Variants in MYO3B observed in about 807,000 individuals in gnomAD.
MYO3B encodes myosin IIIB.
In MYO3B, 156 loss-of-function variants were observed where a neutral mutation model predicts 174.6. The observed-to-expected ratio is 0.89, with a 90% CI of 0.78 to 1.02. The LOEUF (loss-of-function observed/expected upper bound fraction) is 1.02. Ranked by LOEUF, MYO3B falls within the 50% of genes least tolerant of loss-of-function variation. The pLI, the probability that MYO3B is intolerant of heterozygous loss-of-function variation, is 0.00. For missense variants in MYO3B, 1,632 were observed against 1,639.4 expected (o/e 1.00, Z 0.08); for synonymous variants, 563 against 569.1 (o/e 0.99, Z 0.15).
intron 32 of MYO3B, among the ~76,000 whole-genome samples, chr2:170,574,053 G>T (rs1692631854): frequency 6.6e-6 from 1 of 152,040 alleles, no homozygotes; most frequent in Non-Finnish European, 1.5e-5. Flanking sequence ...GCAGCTCAAA[G>T]GAAACAAAGA....
chr2:170,365,352 A>G (rs2094190716), intron 8 of MYO3B, among the ~76,000 whole-genome samples: 1 of 152,200 alleles, frequency 6.6e-6, no homozygotes, highest in Non-Finnish European at 1.5e-5. Flanking sequence ...AGAAGCAAAC[A>G]TATGGCTTTT....
chr2:170,651,396 T>G (rs1482367414), intron 32 of MYO3B, among the ~76,000 whole-genome samples: 1 of 97,772 alleles, frequency 1.0e-5, no homozygotes, highest in African/African-American at 6.2e-5. Context: ...CCTGGACTGC[T>G]GATTCAGATC....
In MYO3B at chr2:170,614,883, T is replaced by C. The variant is rs1231629409; in HGVS notation, c.3734-36745T>C. The stretch of plus-strand genomic sequence containing the variant: ...CTCTTCTCCACTCTTCACAGCCTCA[T>C]TCCTTGGAAGGTAACTCTTACTACT... On this transcript the variant is annotated intron_variant, in intron 32 of 34. Coordinates refer to ENST00000408978, the MANE Select transcript of MYO3B (RefSeq NM_138995.5). 2.6e-5 allele frequency among the ~76,000 whole-genome samples: 4 copies of C among 152,276 alleles called. No individual in the cohort carries two copies. In the East Asian group the frequency reaches 7.7e-4, roughly 29 times the overall value.
chr2:170,356,144 CT>C (rs2094118901), intron 8 of MYO3B, among the ~76,000 whole-genome samples: 1 of 151,380 alleles, frequency 6.6e-6, no homozygotes, highest in African/African-American at 2.4e-5. Flanking sequence ...TGTATTTTTA[CT>C]GGAGACGGGG....
At chr2:170,429,278 T>A (rs1048488897) in intron 22 of MYO3B, among the ~76,000 whole-genome samples, 3 of 152,180 alleles carry the variant, frequency 2.0e-5, no homozygotes, top group African/African-American at 7.2e-5. Context: ...CCATATGAGA[T>A]TTTACTTAAG....
At chr2:170,362,857 C>A (rs1383303227) in intron 8 of MYO3B, among the ~76,000 whole-genome samples, 4 of 152,224 alleles carry the variant, frequency 2.6e-5, no homozygotes, top group Non-Finnish European at 5.9e-5. Flanking sequence ...TCAAGTTTCT[C>A]ATTCTGCCTT....
intron 23 of MYO3B, among the ~76,000 whole-genome samples, chr2:170,454,214 A>G (rs572276024): frequency 6.6e-6 from 1 of 152,182 alleles, no homozygotes; most frequent in Non-Finnish European, 1.5e-5. Context: ...TTGAGGAGAA[A>G]TCTCTGGAAC....
chr2:170,593,490 T>C (rs1433799651), intron 32 of MYO3B, among the ~76,000 whole-genome samples: 4 of 152,158 alleles, frequency 2.6e-5, no homozygotes, highest in African/African-American at 4.8e-5. Context: ...AGTCAGTTGA[T>C]TGCAAGGTGC....
chr2:170,237,991 AATG>A (rs1229065538), intron 7 of MYO3B, among the ~76,000 whole-genome samples: 3 of 152,242 alleles, frequency 2.0e-5, no homozygotes, highest in African/African-American at 7.2e-5. Flanking sequence ...CTTGGACAAG[AATG>A]ATAAGAGGTT....
Position 170,636,280 on chromosome 2 carries a change from G to C in MYO3B, c.3734-15348G>C, listed in dbSNP as rs577001633. 2.0e-5 allele frequency among the ~76,000 whole-genome samples: 3 copies of C among 152,142 alleles called. No individual in the cohort carries two copies. The East Asian group carries it at 5.8e-4, about 29-fold the overall frequency. On this transcript the variant is annotated intron_variant, in intron 32 of 34. Transcript: ENST00000408978. Reference sequence around the variant, plus strand: ...AACAGGCCTAGAAATGTGACTGCCTGGCCCTACTCTCAAAAACAGAGCACT... The same window carrying C: ...AACAGGCCTAGAAATGTGACTGCCTCGCCCTACTCTCAAAAACAGAGCACT...
In MYO3B at chr2:170,369,340, C is replaced by T. The variant is rs776127264; in HGVS notation, c.934C>T (p.Gln312Ter). 4 of 1,613,454 alleles carry T rather than the reference C, an allele frequency of 2.5e-6. No homozygotes were observed. The Admixed American group carries it at 6.7e-5, about 27-fold the overall frequency. Residue 312 changes from glutamine to a stop codon, truncating the protein, a stop_gained, in exon 9 of 35, where the codon CAA becomes TAA. Transcript: ENST00000408978. LOFTEE classifies it high-confidence loss of function. ...FLQKQLAKVL[Q>*]DQKHQNPVAK... ...GCAAAAACAGCTGGCCAAGGTTCTC[C>T]AAGACCAGAAGCATCAAAATCCTGT...
intron 7 of MYO3B, among the ~76,000 whole-genome samples, chr2:170,297,302 C>T (rs1337344931): frequency 6.7e-6 from 1 of 149,042 alleles, no homozygotes; most frequent in East Asian, 2.0e-4. Context: ...CTCCCAATGG[C>T]CACCCCCTCC....
chr2:170,216,124 G>GCAGTGAACACAA (rs11273786), intron 5 of MYO3B, among the ~76,000 whole-genome samples: 140,554 of 152,060 alleles, frequency 0.92, 64,985 homozygotes, highest in East Asian at 1. Flanking sequence ...GAGAATGTCC[G>GCAGTGAACACAA]CAGTCATCCC....
At chr2:170,205,743 C>G (rs773951451) in intron 3 of MYO3B, among the ~76,000 whole-genome samples, 8 of 152,048 alleles carry the variant, frequency 5.3e-5, no homozygotes, top group Non-Finnish European at 1.2e-4. Flanking sequence ...AATGGATACT[C>G]CAGCTCCTAG....
chr2:170,557,273 G>C (rs762028644), intron 32 of MYO3B, among the ~76,000 whole-genome samples: 2 of 151,856 alleles, frequency 1.3e-5, no homozygotes, highest in Non-Finnish European at 2.9e-5. Context: ...CGGAGTTGCT[G>C]GGACTACAGG....
intron 32 of MYO3B, among the ~76,000 whole-genome samples, chr2:170,651,257 G>A (rs774207589): frequency 3.3e-5 from 5 of 152,108 alleles, no homozygotes; most frequent in Non-Finnish European, 7.4e-5. Flanking sequence ...TGCAGGATGT[G>A]GTGCAAACAA....
intron 32 of MYO3B, among the ~76,000 whole-genome samples, chr2:170,603,014 G>A (rs149998483): frequency 1.3e-4 from 20 of 152,272 alleles, no homozygotes; most frequent in Non-Finnish European, 2.8e-4. Flanking sequence ...GTTGCAGTAA[G>A]CCAAGATCGC....
intron 7 of MYO3B, among the ~76,000 whole-genome samples, chr2:170,244,339 T>C (rs1368153274): frequency 6.6e-6 from 1 of 152,198 alleles, no homozygotes; most frequent in Non-Finnish European, 1.5e-5. Flanking sequence ...CTACCACAGA[T>C]AATATTTTTT....
chr2:170,443,228 C>T (rs1256846226), intron 22 of MYO3B, among the ~76,000 whole-genome samples: 1 of 152,202 alleles, frequency 6.6e-6, no homozygotes, highest in African/African-American at 2.4e-5. Context: ...TTTTGATTTG[C>T]ATTTCTCTGA....
Sources: gnomAD v4.1 joint callset for allele counts (sites outside exome capture counted in the v4.1 genomes callset) on GRCh38, gnomAD v4.1.1 for gene constraint, MANE v1.5 for transcripts, NCBI Gene and HGNC (gene_info 2026-07-23, HGNC 2026-07-21) for gene names.